Variants in ARID2 observed in about 807,000 individuals in gnomAD.
ARID2 encodes the protein AT-rich interaction domain 2.
A neutral mutation model predicts 184.6 loss-of-function variants in ARID2; 32 were observed. The observed-to-expected ratio is 0.17, with a 90% CI of 0.13 to 0.23. The LOEUF is 0.23. Ranked by LOEUF, ARID2 falls within the 10% of genes least tolerant of loss-of-function variation. The pLI, the probability that ARID2 is intolerant of heterozygous loss-of-function variation, is 1.00. For synonymous variants in ARID2, 836 were observed against 772.6 expected (o/e 1.08, Z -1.36); for missense variants, 1,696 against 2,197.6 (o/e 0.77, Z 4.56).
At chr12:45,766,030 T>C (rs1387186811) in intron 3 of ARID2, among the ~76,000 whole-genome samples, 2 of 152,230 alleles carry the variant, frequency 1.3e-5, no homozygotes, top group Non-Finnish European at 2.9e-5. Flanking sequence ...AGTATTCTAT[T>C]GTATTGATAC....
At chr12:45,763,271 C>G (rs1333078093) in intron 3 of ARID2, among the ~76,000 whole-genome samples, 1 of 152,106 alleles carries the variant, frequency 6.6e-6, no homozygotes, top group Non-Finnish European at 1.5e-5. Context: ...GAGTTTGAGG[C>G]CAGCCTGGCC....
chr12:45,803,611 T>C (rs1942547817), intron 3 of ARID2, among the ~76,000 whole-genome samples: 1 of 152,178 alleles, frequency 6.6e-6, no homozygotes, highest in Admixed American at 6.5e-5. Flanking sequence ...ATAGTTTAGA[T>C]CTTCTTTTGG....
chr12:45,838,868 G>GTT (rs537586640), intron 10 of ARID2, among the ~76,000 whole-genome samples: 1,590 of 135,586 alleles, frequency 0.012, 34 homozygotes, highest in African/African-American at 0.039. Context: ...AAAATGTTTT[G>GTT]TTTTTTTTTT....
At chr12:45,865,943 T>A (rs1481228250) in intron 16 of ARID2, among the ~76,000 whole-genome samples, 2 of 152,136 alleles carry the variant, frequency 1.3e-5, no homozygotes, top group African/African-American at 2.4e-5. Context: ...AAATTATATT[T>A]CTAGCTTTTA....
chr12:45,834,053 C>A (rs1238557145), intron 6 of ARID2, among the ~76,000 whole-genome samples: 1 of 152,064 alleles, frequency 6.6e-6, no homozygotes, highest in East Asian at 1.9e-4. Context: ...GAATTAATGT[C>A]CAAATAAAAA....
intron 3 of ARID2, among the ~76,000 whole-genome samples, chr12:45,758,425 G>A (rs900859082): frequency 1.3e-5 from 2 of 151,594 alleles, no homozygotes; most frequent in Admixed American, 6.6e-5. Context: ...GATTGTTAGT[G>A]TTAGTTTTAT....
intron 3 of ARID2, among the ~76,000 whole-genome samples, chr12:45,736,898 A>G (rs1941136691): frequency 6.6e-6 from 1 of 152,220 alleles, no homozygotes. Flanking sequence ...CCCATAGTAA[A>G]TAGTGTTTCA....
Position 45,851,528 on chromosome 12 carries a change from A to G in ARID2, c.3405A>G (p.Pro1135=). ...QNVQLVPSAM[P]PSGGVQTVPI... ...TTCAGTTGGTCCCAAGTGCAATGCCACCCTCAGGGGGAGTACAAACTGTGC... is the reference window on the plus strand; with the variant it reads ...TTCAGTTGGTCCCAAGTGCAATGCCGCCCTCAGGGGGAGTACAAACTGTGC... Residue 1135 remains proline, a synonymous_variant, in exon 15 of 21, where the codon CCA becomes CCG. Transcript: ENST00000334344. 1 of 1,614,108 alleles carries G rather than the reference A, an allele frequency of 6.2e-7. No individual in the cohort carries two copies.
chr12:45,843,978 A>C (rs1361785870), intron 11 of ARID2, among the ~76,000 whole-genome samples: 2 of 152,142 alleles, frequency 1.3e-5, no homozygotes, highest in African/African-American at 4.8e-5. Flanking sequence ...ATTTGCCATG[A>C]GTTCGTAATC....
chr12:45,893,440 C>T lies in ARID2; in HGVS notation c.5168C>T (p.Thr1723Ile), dbSNP rs1481112654. ...SSTKQPTVGG[T>I]SSTPRAQKAI... ...TTTAGGCAGCCAACTGTAGGGGGCA[C>T]AAGCTCAACTCCTAGAGCACAAAAG... The change falls in exon 19 of 21, where the codon ACA becomes ATA. Residue 1723 changes from threonine (T) to isoleucine (I), a missense_variant. Physicochemically the swap from Thr to Ile is moderately conservative, Grantham distance 89. Coordinates refer to ENST00000334344, the MANE Select transcript of ARID2 (RefSeq NM_152641.4). 2 of 1,613,682 alleles carry T rather than the reference C, an allele frequency of 1.2e-6. No homozygotes were observed. Among genetic ancestry groups the T allele is most frequent in the Admixed American group, 3.3e-5 (2 of 59,990 alleles).
intron 3 of ARID2, among the ~76,000 whole-genome samples, chr12:45,736,135 A>G (rs1312759793): frequency 6.6e-6 from 1 of 152,202 alleles, no homozygotes; most frequent in Non-Finnish European, 1.5e-5. Flanking sequence ...AGGCAGGCGA[A>G]TCACAAGGTC....
chr12:45,820,243 C>T (rs902380925), intron 5 of ARID2, among the ~76,000 whole-genome samples: 1 of 152,042 alleles, frequency 6.6e-6, no homozygotes, highest in Non-Finnish European at 1.5e-5. Flanking sequence ...TCCTCACGAC[C>T]CTAAGGTCAG....
intron 6 of ARID2, among the ~76,000 whole-genome samples, chr12:45,833,406 A>T (rs1237319365): frequency 6.6e-6 from 1 of 152,058 alleles, no homozygotes; most frequent in African/African-American, 2.4e-5. Context: ...TAGTTTTTTA[A>T]TGTCATTGTT....
At chr12:45,760,924 C>A (rs572163740) in intron 3 of ARID2, among the ~76,000 whole-genome samples, 1 of 151,910 alleles carries the variant, frequency 6.6e-6, no homozygotes, top group African/African-American at 2.4e-5. Context: ...TGCAGTGGTG[C>A]GATCATAGCT....
chr12:45,734,611 AT>A (rs1941073459), intron 3 of ARID2, among the ~76,000 whole-genome samples: 2 of 151,928 alleles, frequency 1.3e-5, no homozygotes, highest in South Asian at 4.1e-4. Context: ...GGAACATTTC[AT>A]TAATTGGACC....
chr12:45,762,752 T>C (rs1288619795), intron 3 of ARID2, among the ~76,000 whole-genome samples: 1 of 152,124 alleles, frequency 6.6e-6, no homozygotes, highest in Non-Finnish European at 1.5e-5. Flanking sequence ...CCAAAACCTA[T>C]ATCTTACTTC....
chr12:45,894,425 C>T (rs1234243438), intron 20 of ARID2, among the ~76,000 whole-genome samples: 1 of 152,070 alleles, frequency 6.6e-6, no homozygotes, highest in Admixed American at 6.6e-5. Context: ...ATATTAGTTC[C>T]ATCTCCTTAA....
intron 16 of ARID2, 67 bp from the exon 17 acceptor site, chr12:45,891,713 A>C: frequency 6.4e-7 from 1 of 1,551,038 alleles, no homozygotes. Context: ...TAAGCAGAGA[A>C]ATTTTTGAAA....
chr12:45,843,423 G>C (rs1014367603), intron 11 of ARID2, among the ~76,000 whole-genome samples: 1 of 150,960 alleles, frequency 6.6e-6, no homozygotes, highest in African/African-American at 2.4e-5. Flanking sequence ...GCCCAGGCTG[G>C]AGTGCTATCT....
Sources: gnomAD v4.1 joint callset for allele counts (sites outside exome capture counted in the v4.1 genomes callset) on GRCh38, gnomAD v4.1.1 for gene constraint, MANE v1.5 for transcripts, NCBI Gene and HGNC (gene_info 2026-07-23, HGNC 2026-07-21) for gene names.